Variants in TMEM165 observed in about 807,000 individuals in gnomAD.
TMEM165 encodes transmembrane protein 165.
A neutral mutation model predicts 30.0 loss-of-function variants in TMEM165; 19 were observed. The ratio of observed to expected loss-of-function variants is 0.63; its 90% CI spans 0.44 to 0.93. The LOEUF (loss-of-function observed/expected upper bound fraction) is 0.93. Ranked by LOEUF, TMEM165 falls within the 40% of genes least tolerant of loss-of-function variation. The probability of loss-of-function intolerance (pLI) is 0.00; values close to 1 mark genes in which losing one functional copy is unlikely to be tolerated. For missense variants in TMEM165, 340 were observed against 417.0 expected, an observed-to-expected ratio of 0.82 and a Z score of 1.61; for synonymous variants, 168 against 162.9, an observed-to-expected ratio of 1.03 and a Z score of -0.24.
intron 1 of TMEM165, among the ~76,000 whole-genome samples, chr4:55,401,952 A>C (rs1414191978): frequency 6.7e-6 from 1 of 149,506 alleles, no homozygotes; most frequent in African/African-American, 2.6e-5. Flanking sequence ...CCCCATCTCT[A>C]CTGAAAATAC....
chr4:55,407,673 A>G (rs983322675), intron 1 of TMEM165, among the ~76,000 whole-genome samples: 1 of 152,204 alleles, frequency 6.6e-6, no homozygotes, highest in Admixed American at 6.5e-5. Flanking sequence ...GGAACCTGGT[A>G]TGTGCTTCAG....
At chr4:55,435,200 C>G in intron 3 of TMEM165, 1 of 586,068 alleles carries the variant, frequency 1.7e-6, no homozygotes, top group Non-Finnish European at 3.1e-6. Context: ...TCAGAACTGG[C>G]TATGCCCCTA....
At chr4:55,399,786 C>T (rs993358558) in intron 1 of TMEM165, among the ~76,000 whole-genome samples, 2 of 151,982 alleles carry the variant, frequency 1.3e-5, no homozygotes, top group African/African-American at 2.4e-5. Flanking sequence ...TTGCAGCCTC[C>T]AGCTCCTGGA....
At chr4:55,402,852 C>T (rs1337863460) in intron 1 of TMEM165, among the ~76,000 whole-genome samples, 2 of 122,348 alleles carry the variant, frequency 1.6e-5, no homozygotes, top group African/African-American at 3.3e-5. Context: ...AGTGCAGTGG[C>T]GTGATCTCGG....
chr4:55,395,961 C>T lies in TMEM165; in HGVS notation c.-229C>T, dbSNP rs1578223262. The T allele has an allele frequency of 5.4e-6, 2 of 370,174 alleles. No homozygotes were observed. 22.9% of individuals were successfully genotyped at this position (370,174 alleles called of 1,614,324 possible). ...GCCGCGCCGAGGCAGCTGGCTGACT[C>T]CAGTTTAGCCGCCGCCGGAGAGGAC... On this transcript the variant is annotated 5_prime_UTR_variant, in exon 1 of 6. Transcript: ENST00000381334.
At chr4:55,417,647 G>A in intron 3 of TMEM165, 156 bp from the exon 4 acceptor site, 1 of 635,608 alleles carries the variant, frequency 1.6e-6, no homozygotes, top group Non-Finnish European at 2.7e-6. Context: ...TGCTGTGTGA[G>A]ACCAGTGGTT....
chr4:55,438,177 CT>C, intron 3 of TMEM165: 1 of 1,393,160 alleles, frequency 7.2e-7, no homozygotes. Flanking sequence ...GTACAATAAG[CT>C]TTTGTGAATT....
At chr4:55,413,490 T>A (rs1234779193) in intron 2 of TMEM165, among the ~76,000 whole-genome samples, 1 of 152,070 alleles carries the variant, frequency 6.6e-6, no homozygotes, top group African/African-American at 2.4e-5. Context: ...ACTTATTGTA[T>A]GTTTTGGTAG....
chr4:55,450,349 C>T lies in TMEM165; in HGVS notation c.409-1890C>T, dbSNP rs911069245. ...TTTTGTCTATAACAAGGCAAAAGTA[C>T]CTGTATGTACATACACATGTAAAGA... On this transcript the variant is annotated intron_variant, in intron 3 of 3. Coordinates refer to the TMEM165 transcript ENST00000608091. 7 of 1,127,474 alleles carry T rather than the reference C, an allele frequency of 6.2e-6. No individual in the cohort carries two copies. In the Admixed American group the frequency reaches 8.6e-5, roughly 14 times the overall value. 69.8% of individuals were successfully genotyped at this position (1,127,474 alleles called of 1,614,324 possible).
At chr4:55,427,958 C>T (rs554445281), downstream of TMEM165, 1 of 152,144 alleles carries the variant, frequency 6.6e-6, no homozygotes, top group Non-Finnish European at 1.5e-5. Context: ...AAATGTGATT[C>T]TTACAAGTTA....
intron 1 of TMEM165, among the ~76,000 whole-genome samples, chr4:55,402,405 A>G (rs28464118): frequency 0.036 from 1,354 of 37,924 alleles, 34 homozygotes; most frequent in African/African-American, 0.11. Context: ...GTGTGTGTGT[A>G]TATATATATA....
At position 55,425,568 on chromosome 4, in the gene TMEM165, G is replaced by A. The variant is rs1031490382; in HGVS notation, c.*116G>A. On this transcript the variant is annotated 3_prime_UTR_variant, in exon 6 of 6. Transcript: ENST00000381334. ...TACTGTATTTTGTAGCACTGATTTTGTGAGTTTGACCCATTATTATGTCTG... is the reference window on the plus strand; with the variant it reads ...TACTGTATTTTGTAGCACTGATTTTATGAGTTTGACCCATTATTATGTCTG... 1 of 796,136 alleles carries A rather than the reference G, an allele frequency of 1.3e-6. No individual in the cohort carries two copies. The highest frequency in any genetic ancestry group is 1.7e-5 in the African/African-American group (1 of 57,170). 49.3% of individuals were successfully genotyped at this position (796,136 alleles called of 1,614,324 possible). A position where few individuals can be genotyped will look rare whatever the true frequency, so the allele number is the denominator to read the frequency against.
Position 55,426,078 on chromosome 4 carries a change from A to G in TMEM165, c.*626A>G, listed in dbSNP as rs766604157. On this transcript the variant is annotated 3_prime_UTR_variant, in exon 6 of 6. Coordinates refer to ENST00000381334, the MANE Select transcript of TMEM165 (RefSeq NM_018475.5). Reference sequence around the variant, plus strand: ...AATATTTGACAATGTGGAATTACCAAATTAAAAGAGAATACTATGAATGTA... The same window carrying G: ...AATATTTGACAATGTGGAATTACCAGATTAAAAGAGAATACTATGAATGTA... The G allele has an allele frequency of 6.6e-6, 1 of 152,144 alleles. No individual in the cohort carries two copies. Among genetic ancestry groups the G allele is most frequent in the Non-Finnish European group, 1.5e-5 (1 of 68,014 alleles). The allele number at this position is 152,144 out of a possible 1,614,324, so 9.4% of individuals were successfully genotyped here.
chr4:55,449,739 T>C (rs553195824), intron 3 of TMEM165, among the ~76,000 whole-genome samples: 1 of 152,156 alleles, frequency 6.6e-6, no homozygotes, highest in Non-Finnish European at 1.5e-5. Flanking sequence ...ATGACAATTA[T>C]ACAAGTCTTC....
intron 3 of TMEM165, among the ~76,000 whole-genome samples, chr4:55,448,171 C>T (rs1028778909): frequency 1.1e-4 from 17 of 152,202 alleles, no homozygotes; most frequent in Non-Finnish European, 2.2e-4. Flanking sequence ...TTGTAGGCAT[C>T]TGTCATTCCC....
downstream of TMEM165, chr4:55,429,943 G>T (rs1417920472): frequency 6.6e-6 from 1 of 152,146 alleles, no homozygotes; most frequent in African/African-American, 2.4e-5. Context: ...ATGAGAGTTG[G>T]TGACTGCACC....
intron 1 of TMEM165, among the ~76,000 whole-genome samples, chr4:55,404,013 T>TTTCC (rs753945175): frequency 2.0e-5 from 3 of 151,344 alleles, no homozygotes; most frequent in African/African-American, 7.3e-5. Flanking sequence ...TTTCGTTTTC[T>TTTCC]TTCCTTCCTT....
chr4:55,418,630 C>A (rs1188818159), intron 4 of TMEM165, among the ~76,000 whole-genome samples: 1 of 152,052 alleles, frequency 6.6e-6, no homozygotes, highest in African/African-American at 2.4e-5. Context: ...TTAGAAACAG[C>A]CTAATAATCC....
intron 1 of TMEM165, among the ~76,000 whole-genome samples, chr4:55,396,680 G>A (rs1027284860): frequency 1.3e-5 from 2 of 152,210 alleles, no homozygotes; most frequent in African/African-American, 2.4e-5. Context: ...TTATTGATCA[G>A]ATGTGTCTTA....
Sources: gnomAD v4.1 joint callset for allele counts (sites outside exome capture counted in the v4.1 genomes callset) on GRCh38, gnomAD v4.1.1 for gene constraint, MANE v1.5 for transcripts, NCBI Gene and HGNC (gene_info 2026-07-23, HGNC 2026-07-21) for gene names.